Variants in GALNT13 observed in about 807,000 individuals in gnomAD.
GALNT13 encodes polypeptide N-acetylgalactosaminyltransferase 13, also known as UDP-GalNAc:polypeptide N-acetylgalactosaminyltransferase 13.
GALNT13 carries 28 observed loss-of-function variants against 64.2 expected under a neutral mutation model. That is an observed-to-expected ratio of 0.44 (90% CI 0.32 to 0.60). The LOEUF (loss-of-function observed/expected upper bound fraction) is 0.60, where lower values mean the gene tolerates loss of function less well. Among genes scored for constraint, GALNT13 ranks in the 20% least tolerant of loss-of-function variants. The pLI, the probability that GALNT13 is intolerant of heterozygous loss-of-function variation, is 0.05. For synonymous variants in GALNT13, 214 were observed against 224.6 expected (o/e 0.95, Z 0.42); for missense variants, 577 against 669.8 (o/e 0.86, Z 1.53).
intron 3 of GALNT13, among the ~76,000 whole-genome samples, chr2:154,105,437 C>A (rs1477204492): frequency 6.6e-6 from 1 of 152,080 alleles, no homozygotes; most frequent in Non-Finnish European, 1.5e-5. Flanking sequence ...CCATTTCTTA[C>A]AATATCCTAC....
chr2:153,401,698 T>G, the GALNT13 span, among the ~76,000 whole-genome samples: 1 of 147,716 alleles, frequency 6.8e-6, no homozygotes, highest in Non-Finnish European at 1.5e-5. Flanking sequence ...CTTTGTCTCT[T>G]TTGATCTTTG....
At chr2:153,437,569 A>G in the GALNT13 span, among the ~76,000 whole-genome samples, 1 of 152,010 alleles carries the variant, frequency 6.6e-6, no homozygotes. Context: ...TGATCCCTTT[A>G]CCATTATGTA....
intron 8 of GALNT13, among the ~76,000 whole-genome samples, chr2:154,274,155 G>C (rs1239101012): frequency 6.6e-6 from 1 of 152,014 alleles, no homozygotes; most frequent in Non-Finnish European, 1.5e-5. Context: ...TATACGCAAG[G>C]TGTGGTTCTT....
At chr2:153,527,314 A>G in the GALNT13 span, among the ~76,000 whole-genome samples, 1 of 152,222 alleles carries the variant, frequency 6.6e-6, no homozygotes, top group African/African-American at 2.4e-5. Flanking sequence ...CGAATAACAC[A>G]CAATAAAGCT....
the GALNT13 span, among the ~76,000 whole-genome samples, chr2:153,702,447 A>G: frequency 6.6e-6 from 1 of 152,186 alleles, no homozygotes; most frequent in Non-Finnish European, 1.5e-5. Flanking sequence ...CATTCTGCAC[A>G]TGTATCCCAG....
the GALNT13 span, among the ~76,000 whole-genome samples, chr2:153,348,947 T>C: frequency 6.6e-6 from 1 of 152,198 alleles, no homozygotes; most frequent in Non-Finnish European, 1.5e-5. Context: ...GCTTCCATTG[T>C]GTATTGCTCC....
At chr2:154,023,387 A>T (rs937883685) in intron 3 of GALNT13, among the ~76,000 whole-genome samples, 1 of 151,932 alleles carries the variant, frequency 6.6e-6, no homozygotes, top group Non-Finnish European at 1.5e-5. Context: ...TGTATTGGGT[A>T]TATGTATATA....
chr2:153,212,959 G>A, the GALNT13 span, among the ~76,000 whole-genome samples: 1 of 152,226 alleles, frequency 6.6e-6, no homozygotes, highest in African/African-American at 2.4e-5. Context: ...TTAGTGAAAT[G>A]TTATTCATAG....
the GALNT13 span, among the ~76,000 whole-genome samples, chr2:153,757,606 T>C: frequency 2.0e-5 from 3 of 152,086 alleles, no homozygotes; most frequent in African/African-American, 7.2e-5. Context: ...CCAACAATAG[T>C]CTAGTAGGGT....
At chr2:153,752,138 C>T in the GALNT13 span, among the ~76,000 whole-genome samples, 1 of 151,848 alleles carries the variant, frequency 6.6e-6, no homozygotes, top group South Asian at 2.1e-4. Context: ...TAACTTCACC[C>T]TGCTTTTAAA....
chr2:153,881,912 T>C (rs1235492575), intron 1 of GALNT13, among the ~76,000 whole-genome samples: 1 of 152,144 alleles, frequency 6.6e-6, no homozygotes, highest in Admixed American at 6.6e-5. Flanking sequence ...CTGAAGAACA[T>C]TATTACTATC....
the GALNT13 span, among the ~76,000 whole-genome samples, chr2:153,513,506 T>C: frequency 1.3e-5 from 2 of 152,250 alleles, no homozygotes; most frequent in African/African-American, 2.4e-5. Flanking sequence ...AAATTTTCAC[T>C]TCCTTAGGTC....
At chr2:153,258,656 T>TC in the GALNT13 span, among the ~76,000 whole-genome samples, 2 of 152,160 alleles carry the variant, frequency 1.3e-5, no homozygotes, top group African/African-American at 4.8e-5. Flanking sequence ...ATGTTTTTTT[T>TC]CCATTTTTTC....
At chr2:154,198,833 A>G (rs1381095011) in intron 4 of GALNT13, among the ~76,000 whole-genome samples, 3 of 152,092 alleles carry the variant, frequency 2.0e-5, no homozygotes, top group Non-Finnish European at 2.9e-5. Flanking sequence ...TTGTTGTAAT[A>G]CAAAATAGAG....
chr2:154,147,850 A>G (rs1683711826), intron 4 of GALNT13, among the ~76,000 whole-genome samples: 1 of 148,718 alleles, frequency 6.7e-6, no homozygotes, highest in Admixed American at 6.7e-5. Context: ...ATTATCCACT[A>G]TCATGGTTGT....
the GALNT13 span, among the ~76,000 whole-genome samples, chr2:153,274,092 A>C: frequency 1.3e-5 from 2 of 152,140 alleles, no homozygotes; most frequent in African/African-American, 4.8e-5. Flanking sequence ...AATCCCAGCT[A>C]CTCAGGAGGC....
the GALNT13 span, among the ~76,000 whole-genome samples, chr2:153,187,149 A>T: frequency 6.6e-6 from 1 of 152,218 alleles, no homozygotes; most frequent in Non-Finnish European, 1.5e-5. Context: ...TCTTTTACAT[A>T]ATTTTCAATA....
chr2:153,458,119 G>A, the GALNT13 span, among the ~76,000 whole-genome samples: 1 of 152,010 alleles, frequency 6.6e-6, no homozygotes, highest in Non-Finnish European at 1.5e-5. Context: ...CTCTTCATCT[G>A]TGACTTTATT....
At chr2:153,467,912 C>T in the GALNT13 span, among the ~76,000 whole-genome samples, 1 of 152,008 alleles carries the variant, frequency 6.6e-6, no homozygotes, top group Non-Finnish European at 1.5e-5. Flanking sequence ...GGAGTAAGAT[C>T]TTAACATACA....
Sources: gnomAD v4.1 joint callset for allele counts (sites outside exome capture counted in the v4.1 genomes callset) on GRCh38, gnomAD v4.1.1 for gene constraint, MANE v1.5 for transcripts, NCBI Gene and HGNC (gene_info 2026-07-23, HGNC 2026-07-21) for gene names.